Variants in ATP6V1B2 observed in about 807,000 individuals in gnomAD.
The protein encoded by ATP6V1B2 is V-type proton ATPase subunit B, brain isoform.
Under a neutral mutation model 66.7 loss-of-function variants are expected in ATP6V1B2, and 23 were observed. The ratio of observed to expected loss-of-function variants is 0.34; its 90% CI spans 0.25 to 0.49. ATP6V1B2 has a LOEUF of 0.49. ATP6V1B2 is among the 20% of genes least tolerant of loss of function. The probability of loss-of-function intolerance (pLI) is 0.99; values close to 1 mark genes in which losing one functional copy is unlikely to be tolerated. For missense variants in ATP6V1B2, 478 were observed against 650.8 expected (o/e 0.73, Z 2.89); for synonymous variants, 278 against 236.7 (o/e 1.17, Z -1.60).
intron 13 of ATP6V1B2, among the ~76,000 whole-genome samples, chr8:20,219,181 C>T (rs1311099855): frequency 6.6e-6 from 1 of 152,108 alleles, no homozygotes; most frequent in Non-Finnish European, 1.5e-5. Context: ...ATGCAGCAGA[C>T]CTTGGTGGGG....
chr8:20,220,073 C>T (rs1348008593), intron 13 of ATP6V1B2, among the ~76,000 whole-genome samples, 190 bp from the exon 14 acceptor site: 2 of 152,164 alleles, frequency 1.3e-5, no homozygotes, highest in Admixed American at 6.5e-5. Context: ...CTTCCCTCTT[C>T]TCTGGTTCCT....
At chr8:20,207,792 G>T (rs1358684924) in intron 2 of ATP6V1B2, among the ~76,000 whole-genome samples, 3 of 150,936 alleles carry the variant, frequency 2.0e-5, no homozygotes, top group Admixed American at 2.0e-4. Context: ...ATGAAGGAGA[G>T]TAAGAAAAGA....
At chr8:20,213,070 C>A in intron 9 of ATP6V1B2, 165 bp downstream of exon 9, 2 of 913,344 alleles carry the variant, frequency 2.2e-6, no homozygotes, top group Non-Finnish European at 3.2e-6. Flanking sequence ...TTTTTGTCAA[C>A]TTGGTAGAAG....
At chr8:20,209,565 A>G (rs992596648) in intron 3 of ATP6V1B2, 34 bp downstream of exon 3, 2 of 1,571,164 alleles carry the variant, frequency 1.3e-6, no homozygotes, top group Non-Finnish European at 1.8e-6. Context: ...ACTGTTTCCT[A>G]GTTGCCTACA....
At chr8:20,204,190 G>T in intron 1 of ATP6V1B2, 1 of 410,768 alleles carries the variant, frequency 2.4e-6, no homozygotes, top group Non-Finnish European at 4.6e-6. Flanking sequence ...GCATAAGACT[G>T]AACTTTTGAG....
chr8:20,216,223 G>T, intron 10 of ATP6V1B2, 190 bp from the exon 11 acceptor site: 1 of 400,564 alleles, frequency 2.5e-6, no homozygotes, highest in Non-Finnish European at 4.4e-6. Flanking sequence ...TTGGCTAATG[G>T]CTACCGTACT....
At chr8:20,208,457 C>G (rs946682582) in intron 2 of ATP6V1B2, among the ~76,000 whole-genome samples, 1 of 152,084 alleles carries the variant, frequency 6.6e-6, no homozygotes, top group African/African-American at 2.4e-5. Context: ...ATGCATCTTT[C>G]AATAAATTAT....
intron 9 of ATP6V1B2, chr8:20,214,481 A>C (rs1020078752): frequency 1.2e-5 from 2 of 173,542 alleles, no homozygotes; most frequent in African/African-American, 4.8e-5. Flanking sequence ...ACGTGGAATA[A>C]ATCTTGTGAA....
intron 2 of ATP6V1B2, among the ~76,000 whole-genome samples, chr8:20,207,543 G>A (rs183179273): frequency 5.1e-4 from 78 of 151,792 alleles, no homozygotes; most frequent in Non-Finnish European, 5.2e-4. Context: ...CACATTGTGC[G>A]CATGTACCCT....
At chr8:20,204,462 A>C (rs1303789854) in intron 1 of ATP6V1B2, 22 bp from the exon 2 acceptor site, 1 of 1,603,834 alleles carries the variant, frequency 6.2e-7, no homozygotes, top group Admixed American at 1.7e-5. Flanking sequence ...ACTAAAACTG[A>C]CTCTTCTGTA....
chr8:20,217,147 T>A, intron 11 of ATP6V1B2, 73 bp from the exon 12 acceptor site: 1 of 1,242,260 alleles, frequency 8.0e-7, no homozygotes, highest in East Asian at 2.3e-5. Context: ...GAGTTTCAAA[T>A]GTTTTTTTAT....
intron 3 of ATP6V1B2, among the ~76,000 whole-genome samples, chr8:20,209,819 A>AC (rs2072775202): frequency 3.9e-5 from 6 of 152,158 alleles, no homozygotes; most frequent in Admixed American, 6.5e-5. Context: ...CCAACAGGAT[A>AC]TCTGTCTGAG....
In ATP6V1B2 at chr8:20,210,364, G is replaced by A. The variant is rs1307333015; in HGVS notation, c.310G>A (p.Gly104Ser). The change falls in exon 4 of 14, where the codon GGT (glycine) becomes AGT (serine). Residue 104 changes from glycine to serine, a missense_variant. Gly to Ser is a moderately conservative substitution (Grantham distance 56). Around this residue, in one of 2 missense-constraint regions of ATP6V1B2, gnomAD observed 326 missense variants for 545.6 expected, o/e 0.60. Coordinates refer to ENST00000276390, the MANE Select transcript of ATP6V1B2 (RefSeq NM_001693.4). Reference sequence around the variant, plus strand: ...TTGATAGGTATTTGAAGGGACTTCAGGTATAGATGCTAAGAAAACGTCCTG... The same window carrying A: ...TTGATAGGTATTTGAAGGGACTTCAAGTATAGATGCTAAGAAAACGTCCTG... ...AVVQVFEGTS[G>S]IDAKKTSCEF... 1.9e-6 allele frequency: 3 copies of A among 1,613,030 alleles called. No individual in the cohort carries two copies. The highest frequency in any genetic ancestry group is 2.5e-6 in the Non-Finnish European group (3 of 1,179,460).
At chr8:20,200,938 G>A (rs112465782) in intron 1 of ATP6V1B2, among the ~76,000 whole-genome samples, 2 of 152,330 alleles carry the variant, frequency 1.3e-5, no homozygotes, top group African/African-American at 4.8e-5. Flanking sequence ...CACTTATTAT[G>A]CAATGGCTGT....
rs571091484 is a variant in ATP6V1B2 at position 20,198,125 on chromosome 8, C to G, written c.136+583C>G. ...ACCTAGATATCAGAGAACGCTAGAG[C>G]TGAAAAGTACCTTGCAGGTCATCCA... is the stretch of plus-strand genomic sequence containing the variant. On this transcript the variant is annotated intron_variant, in intron 1 of 13. Coordinates refer to ENST00000276390, the MANE Select transcript of ATP6V1B2 (RefSeq NM_001693.4). Among the ~76,000 whole-genome samples, 25 of 152,350 alleles carry G rather than the reference C, an allele frequency of 1.6e-4. No individual in the cohort carries two copies. In the East Asian group the frequency reaches 4.2e-3, roughly 26 times the overall value.
In ATP6V1B2 at chr8:20,220,594, T is replaced by C. The variant is rs761512350; in HGVS notation, c.*192T>C. 38 of 765,036 alleles carry C rather than the reference T, an allele frequency of 5.0e-5. No homozygotes were observed. Among genetic ancestry groups the C allele is most frequent in the Non-Finnish European group, 6.6e-5 (35 of 527,494 alleles). The allele number at this position is 765,036 out of a possible 1,614,324, so 47.4% of individuals were successfully genotyped here. A position where few individuals can be genotyped will look rare whatever the true frequency, so the allele number is the denominator to read the frequency against. Reference sequence around the variant, plus strand: ...GCTAACAGACCTTAAAATATCCCCCTACCTGGGTCCTCAGTGCTATGTTTA... The same window carrying C: ...GCTAACAGACCTTAAAATATCCCCCCACCTGGGTCCTCAGTGCTATGTTTA... On this transcript the variant is annotated 3_prime_UTR_variant, in exon 14 of 14. Transcript: ENST00000276390.
chr8:20,215,502 C>T (rs2072845235), intron 10 of ATP6V1B2: 1 of 152,134 alleles, frequency 6.6e-6, no homozygotes, highest in Non-Finnish European at 1.5e-5. Context: ...GCCTCTTTGT[C>T]CTTATTTCAG....
intron 1 of ATP6V1B2, among the ~76,000 whole-genome samples, chr8:20,202,084 T>G (rs1023787885): frequency 6.6e-6 from 1 of 152,152 alleles, no homozygotes; most frequent in Non-Finnish European, 1.5e-5. Context: ...TACTGCCACA[T>G]TGGGGATGAA....
intron 9 of ATP6V1B2, 103 bp downstream of exon 9, chr8:20,213,008 C>T: frequency 2.7e-6 from 4 of 1,464,702 alleles, no homozygotes; most frequent in Non-Finnish European, 3.8e-6. Context: ...TTTAATTCCA[C>T]TGTTCATATA....
Sources: gnomAD v4.1 joint callset for allele counts (sites outside exome capture counted in the v4.1 genomes callset) on GRCh38, gnomAD v4.1.1 for gene constraint, gnomAD v4.1.1 regional missense constraint, MANE v1.5 for transcripts, NCBI Gene and HGNC (gene_info 2026-07-23, HGNC 2026-07-21) for gene names.